The following MAML3 variants were observed in gnomAD, a reference collection of about 807,000 sequenced individuals.
MAML3 encodes the protein mastermind-like protein 3.
Under a neutral mutation model 101.9 loss-of-function variants are expected in MAML3, and 27 were observed. The observed-to-expected ratio is 0.27, with a 90% CI of 0.20 to 0.37. The LOEUF is 0.37. Among genes scored for constraint, MAML3 ranks in the 10% least tolerant of loss-of-function variants. The probability of loss-of-function intolerance (pLI) is 1.00; values close to 1 mark genes in which losing one functional copy is unlikely to be tolerated. For missense variants in MAML3, 1,316 were observed against 1,444.9 expected, an observed-to-expected ratio of 0.91 and a Z score of 1.45; for synonymous variants, 501 against 555.9, an observed-to-expected ratio of 0.90 and a Z score of 1.39.
chr4:139,870,973 A>G (rs1017832309), intron 2 of MAML3, among the ~76,000 whole-genome samples: 1 of 152,244 alleles, frequency 6.6e-6, no homozygotes, highest in African/African-American at 2.4e-5. Context: ...TAGGGCTAAC[A>G]TGATGATGAG....
In MAML3 at chr4:139,998,034, G is replaced by A. The variant is rs539229656; in HGVS notation, c.469-107067C>T. On this transcript the variant is annotated intron_variant, in intron 1 of 4. Transcript: ENST00000509479. Reference sequence around the variant, plus strand: ...ACAGAGTTAGTTCTATTTGTTGGGTGTGTATATTAAGGAATTTGGGGAGTG... The same window carrying A: ...ACAGAGTTAGTTCTATTTGTTGGGTATGTATATTAAGGAATTTGGGGAGTG... Among the ~76,000 whole-genome samples the A allele has an allele frequency of 2.0e-5, 3 of 152,218 alleles. No individual in the cohort carries two copies. In the East Asian group the frequency reaches 5.8e-4, roughly 29 times the overall value.
intron 2 of MAML3, among the ~76,000 whole-genome samples, chr4:139,841,048 G>T (rs1354353365): frequency 6.6e-6 from 1 of 152,024 alleles, no homozygotes; most frequent in Non-Finnish European, 1.5e-5. Flanking sequence ...ATGACTAAAG[G>T]GATAACAACA....
At chr4:140,000,608 C>A (rs950209299) in intron 1 of MAML3, among the ~76,000 whole-genome samples, 1 of 152,192 alleles carries the variant, frequency 6.6e-6, no homozygotes, top group Non-Finnish European at 1.5e-5. Flanking sequence ...ACCTTTATCC[C>A]AGCCCACTTC....
In MAML3 at chr4:139,805,519, T is replaced by C. The variant is rs1173922296; in HGVS notation, c.2080-74852A>G. The stretch of plus-strand genomic sequence containing the variant: ...TTCAGAAACAGAAATAATTAAACAC[T>C]TGAGTTACCCAAGAATAACCTTAAT... On this transcript the variant is annotated intron_variant, in intron 2 of 4. Coordinates refer to ENST00000509479, the MANE Select transcript of MAML3 (RefSeq NM_018717.5). Among the ~76,000 whole-genome samples, 3 of 152,108 alleles carry C rather than the reference T, an allele frequency of 2.0e-5. No individual in the cohort carries two copies. The East Asian group carries it at 5.8e-4, about 29-fold the overall frequency.
intron 1 of MAML3, among the ~76,000 whole-genome samples, chr4:139,989,821 T>G (rs1446742754): frequency 7.4e-5 from 11 of 149,506 alleles, no homozygotes. Flanking sequence ...GTACCACTGC[T>G]GACCCCTGCA....
At chr4:140,056,781 A>G (rs1727356327) in intron 1 of MAML3, among the ~76,000 whole-genome samples, 2 of 150,190 alleles carry the variant, frequency 1.3e-5, no homozygotes, top group Admixed American at 6.7e-5. Flanking sequence ...TGCACTCTCC[A>G]GCCTCAGCGA....
intron 2 of MAML3, chr4:139,794,287 CTCT>C (rs1424113232): frequency 1.3e-5 from 2 of 152,176 alleles, no homozygotes; most frequent in Non-Finnish European, 2.9e-5. Flanking sequence ...TCTGGGAAGG[CTCT>C]TCTTCTCTCT....
At chr4:139,741,789 C>T (rs954829561) in intron 2 of MAML3, among the ~76,000 whole-genome samples, 5 of 152,124 alleles carry the variant, frequency 3.3e-5, no homozygotes, top group African/African-American at 1.2e-4. Flanking sequence ...TGCTCTAAGT[C>T]CATTATCAAT....
rs754017479 is a variant in MAML3 at position 140,078,016 on chromosome 4, CAAATAAATAAAA to C, written c.468+74832_468+74843del. Among the ~76,000 whole-genome samples, 25 of 6,276 alleles carry C rather than the reference CAAATAAATAAAA, an allele frequency of 4.0e-3. No individual in the cohort carries two copies. In the East Asian group the frequency reaches 0.17, roughly 44 times the overall value. 4.1% of individuals were successfully genotyped at this position (6,276 alleles called of 152,430 possible). ...CTGGCAACAGAGCAAGACTCCGTCT[CAAATAAATAAAA>C]AAATAAATAAATAAATAAATAAATA... On this transcript the variant is annotated intron_variant, in intron 1 of 4. Transcript: ENST00000509479.
intron 2 of MAML3, among the ~76,000 whole-genome samples, chr4:139,791,921 G>A (rs1730422256): frequency 6.6e-6 from 1 of 152,204 alleles, no homozygotes; most frequent in Non-Finnish European, 1.5e-5. Flanking sequence ...ACTGCAGACA[G>A]GTGGACATGG....
At chr4:139,827,538 G>A (rs1406069939) in intron 2 of MAML3, among the ~76,000 whole-genome samples, 3 of 152,084 alleles carry the variant, frequency 2.0e-5, no homozygotes, top group Non-Finnish European at 4.4e-5. Flanking sequence ...GACTAGGGGG[G>A]AAAAAACAGA....
rs113575434 is a variant in MAML3 at position 139,986,617 on chromosome 4, C to CT, written c.469-95651dup. 5.6e-4 allele frequency among the ~76,000 whole-genome samples: 83 copies of CT among 147,080 alleles called. No homozygotes were observed. In the East Asian group the frequency reaches 9.2e-3, roughly 16 times the overall value. On this transcript the variant is annotated intron_variant, in intron 1 of 4. Coordinates refer to ENST00000509479, the MANE Select transcript of MAML3 (RefSeq NM_018717.5). Reference sequence around the variant, plus strand: ...TATAACCACTACACTGTTCGACTTACTTTTTTTTTTTTTAAGCAATGAAAA... The same window carrying CT: ...TATAACCACTACACTGTTCGACTTACTTTTTTTTTTTTTTAAGCAATGAAAA...
intron 1 of MAML3, among the ~76,000 whole-genome samples, chr4:139,971,965 G>T (rs1264851210): frequency 6.6e-6 from 1 of 152,154 alleles, no homozygotes; most frequent in Admixed American, 6.5e-5. Context: ...GTAAATTCAA[G>T]ATTCAAATTT....
At chr4:139,770,392 A>G (rs1358791210) in intron 2 of MAML3, among the ~76,000 whole-genome samples, 2 of 152,244 alleles carry the variant, frequency 1.3e-5, no homozygotes, top group Non-Finnish European at 2.9e-5. Flanking sequence ...TGGACAGGGC[A>G]AAGGTAGGGG....
intron 1 of MAML3, among the ~76,000 whole-genome samples, chr4:139,967,469 GACACACACACACACACACACACACAC>G (rs4057112): frequency 2.8e-5 from 4 of 141,562 alleles, no homozygotes; most frequent in South Asian, 4.8e-4. Context: ...CTTTTTAAGG[GACACACACACACACACACACACACAC>G]ACACACACAC....
Position 139,785,986 on chromosome 4 carries a change from A to G in MAML3, c.2080-55319T>C, listed in dbSNP as rs189776697. 3.5e-4 allele frequency among the ~76,000 whole-genome samples: 54 copies of G among 152,244 alleles called. 1 individual carries two copies. The highest frequency in any genetic ancestry group is 1.1e-3 in the African/African-American group (45 of 41,566). ...TCATATGTTGAAGTCCTAACCCCCA[A>G]TATCTCAGAATGTGACTGTATTTGG... is the stretch of plus-strand genomic sequence containing the variant. On this transcript the variant is annotated intron_variant, in intron 2 of 4. Transcript: ENST00000509479. The surrounding 1 kb of genome is among the most constrained non-coding windows in gnomAD (Gnocchi z 4.3).
chr4:140,006,439 A>G (rs1726448342), intron 1 of MAML3, among the ~76,000 whole-genome samples: 1 of 152,084 alleles, frequency 6.6e-6, no homozygotes, highest in Non-Finnish European at 1.5e-5. Context: ...TACAAAAATT[A>G]GCCAGGCATG....
chr4:139,797,291 C>A (rs1317082751), intron 2 of MAML3, among the ~76,000 whole-genome samples: 2 of 152,154 alleles, frequency 1.3e-5, no homozygotes, highest in African/African-American at 4.8e-5. Flanking sequence ...TCTGAGCGAA[C>A]ATGTCAGCAG....
intron 1 of MAML3, among the ~76,000 whole-genome samples, chr4:140,138,492 T>A (rs1371898985): frequency 2.0e-5 from 3 of 152,200 alleles, no homozygotes. Context: ...TTACCAAACA[T>A]CAGAGAATCT....
Sources: allele counts gnomAD v4.1 joint callset (sites outside exome capture counted in the v4.1 genomes callset), GRCh38; gene constraint gnomAD v4.1.1; non-coding constraint Gnocchi (gnomAD v3.1); transcripts MANE v1.5; gene names NCBI Gene and HGNC (gene_info 2026-07-23, HGNC 2026-07-21).